Variants in ZSCAN5A observed in about 807,000 individuals in gnomAD.
ZSCAN5A encodes the protein zinc finger and SCAN domain containing 5A.
In ZSCAN5A, 12 loss-of-function variants were observed where a neutral mutation model predicts 23.7. That is an observed-to-expected ratio of 0.51 (90% CI 0.32 to 0.82). The LOEUF (loss-of-function observed/expected upper bound fraction) is 0.82. Among genes scored for constraint, ZSCAN5A ranks in the 40% least tolerant of loss-of-function variants. ZSCAN5A has a pLI of 0.03. For synonymous variants in ZSCAN5A, 257 were observed against 239.9 expected (o/e 1.07, Z -0.66); for missense variants, 597 against 617.9 (o/e 0.97, Z 0.36).
Position 56,239,960 on chromosome 19 carries a change from A to T in ZSCAN5A, c.-127-14787T>A, listed in dbSNP as rs184766950. 3.8e-3 allele frequency among the ~76,000 whole-genome samples: 586 copies of T among 152,212 alleles called. 1 individual carries two copies. Among genetic ancestry groups the T allele is most frequent in the African/African-American group, 0.014 (565 of 41,532 alleles). The stretch of plus-strand genomic sequence containing the variant: ...GGGCAGATCACTAGGTCAGGAGTTC[A>T]AGACCAGCCTGGCCAACATGGTGAA... On this transcript the variant is annotated intron_variant, in intron 2 of 5. Transcript: ENST00000683990.
At chr19:56,227,755 C>T (rs902647285) in intron 2 of ZSCAN5A, among the ~76,000 whole-genome samples, 10 of 152,024 alleles carry the variant, frequency 6.6e-5, no homozygotes, top group African/African-American at 2.4e-4. Context: ...TCCAGCAATG[C>T]TTTTTAAAAA....
At position 56,288,146 on chromosome 19, in the gene ZSCAN5A, G is replaced by T. The variant is rs2039262975; in HGVS notation, c.-128+25137C>A. On this transcript the variant is annotated intron_variant, in intron 2 of 5. Coordinates refer to ENST00000683990, the MANE Select transcript of ZSCAN5A (RefSeq NM_001322064.3). Reference sequence around the variant, plus strand: ...GGTGTCCGCTGTTCTTAGGATGAAGGCTGAGGCCCTTAAGCTGACCCACAG... The same window carrying T: ...GGTGTCCGCTGTTCTTAGGATGAAGTCTGAGGCCCTTAAGCTGACCCACAG... 2.0e-5 allele frequency among the ~76,000 whole-genome samples: 3 copies of T among 152,244 alleles called. No homozygotes were observed. The South Asian group carries it at 6.2e-4, about 32-fold the overall frequency.
intron 2 of ZSCAN5A, among the ~76,000 whole-genome samples, chr19:56,323,038 G>A (rs7260439): frequency 0.089 from 13,416 of 151,514 alleles, 977 homozygotes; most frequent in African/African-American, 0.2. Flanking sequence ...GGGATTACAG[G>A]TGCCCGCCAC....
chr19:56,368,111 C>T (rs1047834882), intron 1 of ZSCAN5A: 2 of 152,466 alleles, frequency 1.3e-5, no homozygotes, highest in Non-Finnish European at 2.9e-5. Flanking sequence ...AGCCACGCCC[C>T]CACGGCCGAA....
chr19:56,221,425 A>AT lies in ZSCAN5A; in HGVS notation c.*149dup. 1 of 867,090 alleles carries AT rather than the reference A, an allele frequency of 1.2e-6. No individual in the cohort carries two copies. The highest frequency in any genetic ancestry group is 2.1e-5 in the South Asian group (1 of 47,280). 53.7% of individuals were successfully genotyped at this position (867,090 alleles called of 1,614,324 possible). A position where few individuals can be genotyped will look rare whatever the true frequency, so the allele number is the denominator to read the frequency against. ...AAACAAAGCTCAGTGGGGAGGACAC[A>AT]TATTTACTCAAACATCCTGGCAATT... On this transcript the variant is annotated 3_prime_UTR_variant, in exon 6 of 6. Transcript: ENST00000683990.
At chr19:56,305,927 A>G (rs1283919603) in intron 2 of ZSCAN5A, among the ~76,000 whole-genome samples, 1 of 151,270 alleles carries the variant, frequency 6.6e-6, no homozygotes, top group Non-Finnish European at 1.5e-5. Context: ...CCTGGGGTGG[A>G]AAGTGGCCTA....
intron 2 of ZSCAN5A, among the ~76,000 whole-genome samples, chr19:56,360,803 TA>T (rs2041729404): frequency 6.6e-6 from 1 of 152,094 alleles, no homozygotes; most frequent in African/African-American, 2.4e-5. Flanking sequence ...ATGAAATCTC[TA>T]AAACCAATTG....
Position 56,253,267 on chromosome 19 carries a change from CAAA to C in ZSCAN5A, c.-127-28097_-127-28095del, listed in dbSNP as rs60969244. Reference sequence around the variant, plus strand: ...TGGGTGACAGAGCAAGAGGCTGTCTCAAAAAAAAAAAAAAAAAAAGTCCTCTGG... The same window carrying C: ...TGGGTGACAGAGCAAGAGGCTGTCTCAAAAAAAAAAAAAAAAGTCCTCTGG... On this transcript the variant is annotated intron_variant, in intron 2 of 5. Coordinates refer to ENST00000683990, the MANE Select transcript of ZSCAN5A (RefSeq NM_001322064.3). Among the ~76,000 whole-genome samples the C allele has an allele frequency of 1.8e-3, 198 of 109,072 alleles. 1 individual carries two copies. The highest frequency in any genetic ancestry group is 4.4e-3 in the African/African-American group (149 of 33,958). The allele number at this position is 109,072 out of a possible 152,430, so 71.6% of individuals were successfully genotyped here.
At chr19:56,302,540 TCCCCGTTCCTCCCTCCCTCCC>T (rs2040351335) in intron 2 of ZSCAN5A, among the ~76,000 whole-genome samples, 7 of 33,152 alleles carry the variant, frequency 2.1e-4, no homozygotes, top group Non-Finnish European at 2.6e-4. Context: ...CTCTTCTTCC[TCCCCGTTCCTCCCTCCCTCCC>T]CCCTTCCTTT....
At chr19:56,251,459 A>G (rs1226476289) in intron 2 of ZSCAN5A, among the ~76,000 whole-genome samples, 1 of 152,192 alleles carries the variant, frequency 6.6e-6, no homozygotes, top group Admixed American at 6.5e-5. Flanking sequence ...TCCAATGAAG[A>G]GAAAAAAACC....
intron 2 of ZSCAN5A, among the ~76,000 whole-genome samples, chr19:56,234,182 C>G (rs893911097): frequency 6.6e-6 from 1 of 152,168 alleles, no homozygotes; most frequent in African/African-American, 2.4e-5. Flanking sequence ...AAAGTGAAAA[C>G]AAGAAGCATG....
At chr19:56,329,467 T>C (rs183716305) in intron 2 of ZSCAN5A, among the ~76,000 whole-genome samples, 1 of 152,156 alleles carries the variant, frequency 6.6e-6, no homozygotes, top group African/African-American at 2.4e-5. Context: ...ATAGGAGAGT[T>C]ATAGTATTAA....
At chr19:56,228,358 T>G (rs2034161252) in intron 2 of ZSCAN5A, 1 of 985,304 alleles carries the variant, frequency 1.0e-6, no homozygotes, top group Non-Finnish European at 1.2e-6. Flanking sequence ...CCAGGCCGCG[T>G]TTCCGGTTCC....
At chr19:56,333,361 C>CT (rs372798728) in intron 2 of ZSCAN5A, among the ~76,000 whole-genome samples, 58 of 149,558 alleles carry the variant, frequency 3.9e-4, no homozygotes, top group African/African-American at 1.4e-3. Context: ...TTTTTTAATT[C>CT]TTTTTTTTGT....
At chr19:56,260,374 C>A (rs1024399730) in intron 2 of ZSCAN5A, among the ~76,000 whole-genome samples, 8 of 151,914 alleles carry the variant, frequency 5.3e-5, no homozygotes, top group Non-Finnish European at 1.2e-4. Flanking sequence ...GCCACCACGC[C>A]CGGCTAGTTA....
intron 2 of ZSCAN5A, chr19:56,302,244 C>T (rs2040286993): frequency 4.6e-6 from 2 of 433,280 alleles, no homozygotes; most frequent in East Asian, 7.1e-5. Flanking sequence ...CTCTCTTCTT[C>T]CCACTCTCCC....
intron 2 of ZSCAN5A, among the ~76,000 whole-genome samples, chr19:56,308,066 G>A (rs986878567): frequency 2.0e-5 from 3 of 152,116 alleles, no homozygotes; most frequent in African/African-American, 7.2e-5. Context: ...ACAGGGTCTC[G>A]CTCTGTCGCC....
chr19:56,269,723 T>C (rs1024078862), intron 2 of ZSCAN5A, among the ~76,000 whole-genome samples: 16 of 152,118 alleles, frequency 1.1e-4, no homozygotes, highest in Non-Finnish European at 2.2e-4. Context: ...GAAGACGCCA[T>C]GCTGTTGGTT....
chr19:56,312,981 T>C (rs942964879), intron 2 of ZSCAN5A, among the ~76,000 whole-genome samples: 10 of 152,202 alleles, frequency 6.6e-5, no homozygotes, highest in African/African-American at 2.4e-4. Context: ...GCTGCTGCTA[T>C]GATTATGATT....
Sources: gnomAD v4.1 joint callset for allele counts (sites outside exome capture counted in the v4.1 genomes callset) on GRCh38, gnomAD v4.1.1 for gene constraint, MANE v1.5 for transcripts, NCBI Gene and HGNC (gene_info 2026-07-23, HGNC 2026-07-21) for gene names.